GLG1: variants seen among roughly 807,000 people sequenced by gnomAD.
The protein encoded by GLG1 is golgi glycoprotein 1.
In GLG1, 38 loss-of-function variants were observed where a neutral mutation model predicts 160.5. The observed-to-expected ratio is 0.24, with a 90% CI of 0.18 to 0.31. The LOEUF is 0.31. Among genes scored for constraint, GLG1 ranks in the 10% least tolerant of loss-of-function variants. The probability of loss-of-function intolerance (pLI) is 1.00; values close to 1 mark genes in which losing one functional copy is unlikely to be tolerated. For missense variants in GLG1, 1,373 were observed against 1,505.2 expected (o/e 0.91, Z 1.45); for synonymous variants, 644 against 543.4 (o/e 1.19, Z -2.57).
intron 25 of GLG1, among the ~76,000 whole-genome samples, chr16:74,454,931 T>C (rs1289029670): frequency 6.6e-6 from 1 of 151,448 alleles, no homozygotes; most frequent in African/African-American, 2.4e-5. Flanking sequence ...AGCCAAGACC[T>C]TGTCTCCACA....
Position 74,494,845 on chromosome 16 carries a change from C to G in GLG1, c.979-14G>C. ...ACCAGCTTGTGTCTATAAGATGGAA[C>G]ATACACATTATTATTACTTTAGCTA... On this transcript the variant is annotated splice_polypyrimidine_tract_variant and intron_variant, in intron 5 of 25. Coordinates refer to ENST00000422840, the MANE Select transcript of GLG1 (RefSeq NM_001145667.2). 1 of 1,258,466 alleles carries G rather than the reference C, an allele frequency of 7.9e-7. No individual in the cohort carries two copies. Among genetic ancestry groups the G allele is most frequent in the African/African-American group, 1.5e-5 (1 of 68,302 alleles). The allele number at this position is 1,258,466 out of a possible 1,614,324, so 78.0% of individuals were successfully genotyped here.
intron 1 of GLG1, among the ~76,000 whole-genome samples, chr16:74,577,768 CA>C (rs2019045411): frequency 6.6e-6 from 1 of 151,932 alleles, no homozygotes; most frequent in Non-Finnish European, 1.5e-5. Flanking sequence ...TACCAGCCAC[CA>C]TGACCGGTTA....
Position 74,456,730 on chromosome 16 carries a change from C to T in GLG1, c.3291G>A (p.Leu1097=). The T allele has an allele frequency of 6.2e-7, 1 of 1,610,640 alleles. No homozygotes were observed. Among genetic ancestry groups the T allele is most frequent in the Non-Finnish European group, 8.5e-7 (1 of 1,177,048 alleles). Residue 1097 remains leucine (L), a synonymous_variant, in exon 25 of 26, where the codon CTG becomes CTA. Transcript: ENST00000422840. ...GRQMSCLMEA[L]EDKRVRLQPE... ...GCTGTAACCTCACCCGCTTATCCTC[C>T]AGTGCTTCCATGAGACAGGACATTT... is the stretch of plus-strand genomic sequence containing the variant.
intron 3 of GLG1, among the ~76,000 whole-genome samples, chr16:74,505,367 A>T (rs1423428661): frequency 6.6e-6 from 1 of 152,252 alleles, no homozygotes; most frequent in Non-Finnish European, 1.5e-5. Context: ...GAGATTTTCA[A>T]CAGTCAAGAT....
At chr16:74,476,833 T>C (rs756430939) in intron 12 of GLG1, among the ~76,000 whole-genome samples, 13 of 152,170 alleles carry the variant, frequency 8.5e-5, no homozygotes, top group Admixed American at 3.9e-4. Context: ...GAGCTTCAAT[T>C]TGTCAACCAG....
At chr16:74,556,143 G>A (rs1304050596) in intron 1 of GLG1, among the ~76,000 whole-genome samples, 5 of 152,174 alleles carry the variant, frequency 3.3e-5, no homozygotes, top group Non-Finnish European at 5.9e-5. Context: ...AGAATAAATC[G>A]CCTACTTTAT....
At chr16:74,461,938 A>G (rs1437964439) in intron 22 of GLG1, 156 bp downstream of exon 22, 1 of 569,012 alleles carries the variant, frequency 1.8e-6, no homozygotes, top group Non-Finnish European at 3.1e-6. Flanking sequence ...ATTCAGTGTT[A>G]CAAAGAACAG....
intron 1 of GLG1, among the ~76,000 whole-genome samples, chr16:74,536,152 G>A (rs4404098): frequency 0.65 from 98,017 of 151,950 alleles, 31,839 homozygotes; most frequent in East Asian, 0.81. Context: ...GTGCTGATTC[G>A]GGTTTGGTTC....
chr16:74,516,370 G>C lies in GLG1; in HGVS notation c.472-7445C>G, dbSNP rs1015078858. Among the ~76,000 whole-genome samples, 9 of 151,784 alleles carry C rather than the reference G, an allele frequency of 5.9e-5. 1 individual carries two copies. Among genetic ancestry groups the C allele is most frequent in the African/African-American group, 1.7e-4 (7 of 41,048 alleles). ...AACAAACTGTCTCTCAGACCACAGT[G>C]CAATCAAACTAGAACTCAGGATTAA... is the stretch of plus-strand genomic sequence containing the variant. On this transcript the variant is annotated intron_variant, in intron 2 of 25. Transcript: ENST00000422840.
rs1356301798 is a variant in GLG1 at position 74,533,327 on chromosome 16, C to CAA, written c.439-1176_439-1175dup. Among the ~76,000 whole-genome samples the CAA allele has an allele frequency of 2.6e-5, 4 of 151,660 alleles. No homozygotes were observed. The East Asian group carries it at 7.8e-4, about 30-fold the overall frequency. On this transcript the variant is annotated intron_variant, in intron 1 of 25. Coordinates refer to ENST00000422840, the MANE Select transcript of GLG1 (RefSeq NM_001145667.2). ...CAGAGCGAGACTCCGTCTCAAAAAA[C>CAA]AAAAAACAAAACAAAACAAAACTTT... is the stretch of plus-strand genomic sequence containing the variant.
intron 23 of GLG1, 143 bp downstream of exon 23, chr16:74,459,539 G>C (rs761751857): frequency 3.1e-6 from 2 of 639,708 alleles, no homozygotes; most frequent in Non-Finnish European, 5.6e-6. Context: ...AGTTTGGTAA[G>C]AAGGAACAGC....
Position 74,494,788 on chromosome 16 carries a change from T to C in GLG1, c.1022A>G (p.His341Arg). The change falls in exon 6 of 26, where the codon CAT (histidine) becomes CGT (arginine). Residue 341 changes from histidine to arginine, a missense_variant. Coordinates refer to ENST00000422840, the MANE Select transcript of GLG1 (RefSeq NM_001145667.2). ...TTCACTCATGGATTCTTCAAATTTA[T>C]GGTTAAAGAGGCACTTATACACTCT... ...EGRVYKCLFN[H>R]KFEESMSEKC... The C allele has an allele frequency of 2.7e-6, 4 of 1,481,870 alleles. No individual in the cohort carries two copies. The highest frequency in any genetic ancestry group is 3.8e-6 in the Non-Finnish European group (4 of 1,059,834). The allele number at this position is 1,481,870 out of a possible 1,614,324, so 91.8% of individuals were successfully genotyped here.
rs919880343 is a variant in GLG1 at position 74,586,718 on chromosome 16, A to T, written c.438+19939T>A. Among the ~76,000 whole-genome samples, 38 of 151,336 alleles carry T rather than the reference A, an allele frequency of 2.5e-4. 1 individual carries two copies. The highest frequency in any genetic ancestry group is 9.2e-4 in the African/African-American group (38 of 41,188). On this transcript the variant is annotated intron_variant, in intron 1 of 25. Coordinates refer to ENST00000422840, the MANE Select transcript of GLG1 (RefSeq NM_001145667.2). ...GTAATTCTAATTTTTTTTTTTTTGAAATGTAGTCTCGCTATTGTTGCCCAG... is the reference window on the plus strand; with the variant it reads ...GTAATTCTAATTTTTTTTTTTTTGATATGTAGTCTCGCTATTGTTGCCCAG...
chr16:74,521,996 AG>A (rs1042337206), intron 2 of GLG1, among the ~76,000 whole-genome samples: 1 of 152,252 alleles, frequency 6.6e-6, no homozygotes, highest in African/African-American at 2.4e-5. Context: ...AAAGCATGAA[AG>A]TACGGCATCC....
chr16:74,451,845 T>G lies in GLG1; in HGVS notation c.*1322A>C. ...AGGCGGGATGGCCAAGAATATTGCT[T>G]CTATAAAGCCCATATTCTGCAAAGG... is the stretch of plus-strand genomic sequence containing the variant. On this transcript the variant is annotated 3_prime_UTR_variant, in exon 26 of 26. Coordinates refer to ENST00000422840, the MANE Select transcript of GLG1 (RefSeq NM_001145667.2). The G allele has an allele frequency of 1.9e-6, 1 of 519,886 alleles. No homozygotes were observed. The highest frequency in any genetic ancestry group is 3.5e-6 in the Non-Finnish European group (1 of 285,626). 32.2% of individuals were successfully genotyped at this position (519,886 alleles called of 1,614,324 possible). A position where few individuals can be genotyped will look rare whatever the true frequency, so the allele number is the denominator to read the frequency against.
At chr16:74,506,604 A>AAAAAAAAAAAGAG (rs1555511216) in intron 3 of GLG1, among the ~76,000 whole-genome samples, 1 of 142,942 alleles carries the variant, frequency 7.0e-6, no homozygotes, top group Non-Finnish European at 1.5e-5. Flanking sequence ...AAAAAAAAAA[A>AAAAAAAAAAAGAG]CTCAAGAGAA....
chr16:74,588,453 C>G (rs990459713), intron 1 of GLG1, among the ~76,000 whole-genome samples: 1 of 151,644 alleles, frequency 6.6e-6, no homozygotes, highest in Non-Finnish European at 1.5e-5. Context: ...TTTTTTGAGA[C>G]AGGGTCTCAC....
intron 2 of GLG1, among the ~76,000 whole-genome samples, chr16:74,522,994 T>C (rs1380064122): frequency 6.6e-6 from 1 of 152,230 alleles, no homozygotes; most frequent in Non-Finnish European, 1.5e-5. Context: ...ATACTGTCTT[T>C]AATGAAACAG....
intron 1 of GLG1, among the ~76,000 whole-genome samples, chr16:74,542,660 G>A (rs750099220): frequency 8.7e-5 from 12 of 137,648 alleles, no homozygotes; most frequent in East Asian, 2.3e-4. Flanking sequence ...TGACAAAAGC[G>A]AAACTCTGTC....
Sources: gnomAD v4.1 joint callset for allele counts (sites outside exome capture counted in the v4.1 genomes callset) on GRCh38, gnomAD v4.1.1 for gene constraint, MANE v1.5 for transcripts, NCBI Gene and HGNC (gene_info 2026-07-23, HGNC 2026-07-21) for gene names.